VPS13B: variants seen among roughly 807,000 people sequenced by gnomAD.
VPS13B encodes the protein intermembrane lipid transfer protein VPS13B.
In VPS13B, 285 loss-of-function variants were observed where a neutral mutation model predicts 426.4. That is an observed-to-expected ratio of 0.67 (90% confidence interval 0.61 to 0.74). The LOEUF is 0.74. Among genes scored for constraint, VPS13B ranks in the 30% least tolerant of loss-of-function variants. The pLI is 0.00. For synonymous variants in VPS13B, 1,676 were observed against 1,676.4 expected (o/e 1.00, Z 0.01); for missense variants, 4,537 against 4,782.6 (o/e 0.95, Z 1.51).
intron 25 of VPS13B, among the ~76,000 whole-genome samples, chr8:99,489,457 G>C (rs1229317539): frequency 6.6e-6 from 1 of 152,000 alleles, no homozygotes; most frequent in Non-Finnish European, 1.5e-5. Context: ...TTGGTAGCTT[G>C]ATGGGGATGG....
At position 99,876,854 on chromosome 8, in the gene VPS13B, G is replaced by GT. The variant is rs1817722346; in HGVS notation, c.*1192dup. 1 of 151,796 alleles carries GT rather than the reference G, an allele frequency of 6.6e-6. No individual in the cohort carries two copies. The allele number at this position is 151,796 out of a possible 1,614,324, so 9.4% of individuals were successfully genotyped here. A position where few individuals can be genotyped will look rare whatever the true frequency, so the allele number is the denominator to read the frequency against. On this transcript the variant is annotated 3_prime_UTR_variant, in exon 62 of 62. Transcript: ENST00000357162. ...AGAATGCAATTTTAAATGCCCACTG[G>GT]TTTTATTTGTTTTGGAGAGAGGGTC...
chr8:99,433,897 C>T lies in VPS13B; in HGVS notation c.3210+2233C>T, dbSNP rs59178100. On this transcript the variant is annotated intron_variant, in intron 22 of 61. Coordinates refer to ENST00000357162, the MANE Select transcript of VPS13B (RefSeq NM_152564.5). ...TCTCAACTCATTGCACCTTCGCCTC[C>T]CAGGTTCAAGCAATTCTTCTGCCTC... Among the ~76,000 whole-genome samples, 1,280 of 152,164 alleles carry T rather than the reference C, an allele frequency of 8.4e-3. 19 individuals carry two copies. The highest frequency in any genetic ancestry group is 0.029 in the African/African-American group (1,202 of 41,488).
intron 17 of VPS13B, among the ~76,000 whole-genome samples, chr8:99,259,685 T>C (rs1465278927): frequency 6.6e-6 from 1 of 152,116 alleles, no homozygotes; most frequent in African/African-American, 2.4e-5. Context: ...ATTTCTTGCC[T>C]GACCTGGGAA....
At chr8:99,366,921 C>CT (rs1012310892) in intron 19 of VPS13B, among the ~76,000 whole-genome samples, 3 of 152,060 alleles carry the variant, frequency 2.0e-5, no homozygotes, top group African/African-American at 7.2e-5. Context: ...TGCTTTTTAA[C>CT]TTTTTGTTTT....
At chr8:99,171,186 T>A (rs1162887307) in intron 16 of VPS13B, among the ~76,000 whole-genome samples, 2 of 151,842 alleles carry the variant, frequency 1.3e-5, no homozygotes, top group Non-Finnish European at 1.5e-5. Flanking sequence ...TAAATTTCAT[T>A]TTGTCCTTAC....
Position 99,671,298 on chromosome 8 carries a change from T to C in VPS13B, c.6046+9807T>C, listed in dbSNP as rs144115190. ...TATGTCCTCTTTTGAGAAATGTCTA[T>C]TTAGGTCTTTTTCCTATTTTTAAAA... On this transcript the variant is annotated intron_variant, in intron 35 of 61. Coordinates refer to ENST00000357162, the MANE Select transcript of VPS13B (RefSeq NM_152564.5). Among the ~76,000 whole-genome samples the C allele has an allele frequency of 1.7e-3, 266 of 152,302 alleles. 1 individual carries two copies. Among genetic ancestry groups the C allele is most frequent in the African/African-American group, 6.3e-3 (260 of 41,570 alleles).
At chr8:99,403,342 A>T (rs1424092635) in intron 21 of VPS13B, among the ~76,000 whole-genome samples, 1 of 152,144 alleles carries the variant, frequency 6.6e-6, no homozygotes, top group Non-Finnish European at 1.5e-5. Context: ...TGAGGCCAGG[A>T]GTTCAAGACC....
intron 19 of VPS13B, among the ~76,000 whole-genome samples, chr8:99,277,135 T>A (rs1433431546): frequency 1.3e-5 from 2 of 152,084 alleles, no homozygotes; most frequent in East Asian, 3.8e-4. Flanking sequence ...TAATTTTTTC[T>A]TGCTGTTAAG....
At chr8:99,210,255 G>A (rs1195278307) in intron 17 of VPS13B, among the ~76,000 whole-genome samples, 1 of 152,114 alleles carries the variant, frequency 6.6e-6, no homozygotes, top group African/African-American at 2.4e-5. Context: ...AAATTTCCAA[G>A]GCAGAGCAGC....
chr8:99,018,140 CT>C (rs1223304481), intron 2 of VPS13B, among the ~76,000 whole-genome samples: 14 of 152,106 alleles, frequency 9.2e-5, no homozygotes, highest in Non-Finnish European at 1.9e-4. Context: ...AGTCACAGCA[CT>C]TTGGGAGGCC....
rs141902388 is a variant in VPS13B, at chr8:99,782,744, T to C, written c.7780-1571T>C. ...AAATGGAGAGTAGCTCAAGATGCAG[T>C]TGGAGGCATGGGCAGGGGCTGGGTA... On this transcript the variant is annotated intron_variant, in intron 42 of 61. Coordinates refer to ENST00000357162, the MANE Select transcript of VPS13B (RefSeq NM_152564.5). Among the ~76,000 whole-genome samples the C allele has an allele frequency of 1.3e-4, 20 of 152,088 alleles. No homozygotes were observed. In the East Asian group the frequency reaches 3.9e-3, roughly 30 times the overall value.
At chr8:99,194,332 A>G (rs1403611572) in intron 17 of VPS13B, among the ~76,000 whole-genome samples, 2 of 152,164 alleles carry the variant, frequency 1.3e-5, no homozygotes, top group Admixed American at 1.3e-4. Flanking sequence ...ACATATTTGT[A>G]TCCTCTTTTT....
At chr8:99,438,230 A>T (rs141345522) in intron 22 of VPS13B, among the ~76,000 whole-genome samples, 18 of 152,230 alleles carry the variant, frequency 1.2e-4, no homozygotes, top group African/African-American at 3.8e-4. Flanking sequence ...TGTCTCAAGC[A>T]GCATGAGCCA....
intron 19 of VPS13B, among the ~76,000 whole-genome samples, chr8:99,280,563 C>T (rs1355781259): frequency 1.3e-5 from 2 of 152,146 alleles, no homozygotes; most frequent in African/African-American, 4.8e-5. Context: ...GACAGATGTT[C>T]AAGGGTATAA....
chr8:99,483,118 G>A (rs1820130190), intron 25 of VPS13B, among the ~76,000 whole-genome samples: 2 of 152,096 alleles, frequency 1.3e-5, no homozygotes, highest in Admixed American at 6.6e-5. Flanking sequence ...ATCAGTAAAA[G>A]CAAACAAACT....
At chr8:99,690,625 T>G (rs745564471) in intron 35 of VPS13B, among the ~76,000 whole-genome samples, 19 of 152,064 alleles carry the variant, frequency 1.2e-4, no homozygotes, top group Non-Finnish European at 2.5e-4. Context: ...TAATCTTATA[T>G]TTTATATCCA....
chr8:99,325,662 C>T (rs1453697539), intron 19 of VPS13B, among the ~76,000 whole-genome samples: 1 of 152,088 alleles, frequency 6.6e-6, no homozygotes, highest in African/African-American at 2.4e-5. Flanking sequence ...TTATTTAGTT[C>T]CCTTAACATT....
chr8:99,072,652 C>T (rs1043517871), intron 3 of VPS13B, among the ~76,000 whole-genome samples: 2 of 152,084 alleles, frequency 1.3e-5, no homozygotes, highest in Non-Finnish European at 2.9e-5. Context: ...GAGGTCATAA[C>T]CGTAAAATCT....
At chr8:99,541,368 G>A (rs184682036) in intron 30 of VPS13B, among the ~76,000 whole-genome samples, 4 of 151,988 alleles carry the variant, frequency 2.6e-5, no homozygotes, top group Admixed American at 2.6e-4. Flanking sequence ...TGGATTACAC[G>A]TGCTGGACAT....
Sources: gnomAD v4.1 joint callset for allele counts (sites outside exome capture counted in the v4.1 genomes callset) on GRCh38, gnomAD v4.1.1 for gene constraint, MANE v1.5 for transcripts, NCBI Gene and HGNC (gene_info 2026-07-23, HGNC 2026-07-21) for gene names.